The following PHF1 variants were observed in gnomAD, a reference collection of about 807,000 sequenced individuals.
The protein encoded by PHF1 is polycomb-like 1.
A neutral mutation model predicts 69.4 loss-of-function variants in PHF1; 16 were observed. The ratio of observed to expected loss-of-function variants is 0.23; its 90% CI spans 0.16 to 0.35. PHF1 has a LOEUF of 0.35. Among genes scored for constraint, PHF1 ranks in the 10% least tolerant of loss-of-function variants. The pLI is 1.00. For synonymous variants in PHF1, 274 were observed against 275.0 expected (o/e 1.00, Z 0.04); for missense variants, 515 against 732.8 (o/e 0.70, Z 3.43).
In PHF1 at chr6:33,415,109, C is replaced by T. The variant is rs1487275522; in HGVS notation, c.1204C>T (p.Gln402Ter). The change falls in exon 12 of 15, where the codon CAG (glutamine) becomes TAG (stop). Residue 402 changes from glutamine to a stop codon, truncating the protein, a stop_gained. Coordinates refer to ENST00000374516, the MANE Select transcript of PHF1 (RefSeq NM_024165.3). LOFTEE classifies it high-confidence loss of function. ...AVRNQPEPQE[Q>*]RERAHLQRAL... ...GCGCAATCAGCCCGAGCCCCAGGAG[C>T]AGAGGGAGCGGGCTCATCTGCAGAG... 6.2e-7 allele frequency: 1 copy of T among 1,613,406 alleles called. No individual in the cohort carries two copies. Among genetic ancestry groups the T allele is most frequent in the Non-Finnish European group, 8.5e-7 (1 of 1,179,666 alleles).
At position 33,414,214 on chromosome 6, in the gene PHF1, C is replaced by T; in HGVS notation, c.753-29C>T. On this transcript the variant is annotated intron_variant, in intron 8 of 14. Transcript: ENST00000374516. This position sits in a 1 kb window ranked among gnomAD's most constrained non-coding sequence, Gnocchi z 5.0. ...GACTCCCCTGGCTCTTAAAATGCCT[C>T]TGTGGTCTTGAAAACTTTGTTTTTC... 1 of 1,614,078 alleles carries T rather than the reference C, an allele frequency of 6.2e-7. No homozygotes were observed. Among genetic ancestry groups the T allele is most frequent in the Non-Finnish European group, 8.5e-7 (1 of 1,179,984 alleles).
chr6:33,415,542 G>A (rs751587198), intron 13 of PHF1, 48 bp from the exon 14 acceptor site: 3 of 1,583,200 alleles, frequency 1.9e-6, no homozygotes. Context: ...GGGGGAGAAG[G>A]TCCTGTTCCC....
rs1315628547 is a variant in PHF1 at position 33,414,218 on chromosome 6, G to A, written c.753-25G>A. The A allele has an allele frequency of 6.2e-7, 1 of 1,613,812 alleles. No individual in the cohort carries two copies. The highest frequency in any genetic ancestry group is 8.5e-7 in the Non-Finnish European group (1 of 1,179,966). On this transcript the variant is annotated intron_variant, in intron 8 of 14. Transcript: ENST00000374516. This position sits in a 1 kb window ranked among gnomAD's most constrained non-coding sequence, Gnocchi z 5.0. ...CCCCTGGCTCTTAAAATGCCTCTGT[G>A]GTCTTGAAAACTTTGTTTTTCCAGG...
chr6:33,414,156 T>C lies in PHF1; in HGVS notation c.752+47T>C. ...CTCAGTGTAACTCCACACCACAGTA[T>C]TTCACTCTATATGCCCCAACCTCCC... is the stretch of plus-strand genomic sequence containing the variant. On this transcript the variant is annotated intron_variant, in intron 8 of 14. Coordinates refer to ENST00000374516, the MANE Select transcript of PHF1 (RefSeq NM_024165.3). This position sits in a 1 kb window ranked among gnomAD's most constrained non-coding sequence, Gnocchi z 5.0. 6.2e-7 allele frequency: 1 copy of C among 1,613,798 alleles called. No homozygotes were observed. Among genetic ancestry groups the C allele is most frequent in the Non-Finnish European group, 8.5e-7 (1 of 1,179,736 alleles).
chr6:33,413,649 T>TC, intron 6 of PHF1, 87 bp from the exon 7 acceptor site: 1 of 1,599,578 alleles, frequency 6.3e-7, no homozygotes, highest in East Asian at 2.2e-5. Context: ...AGGGTAGCAC[T>TC]CAGGGGGATA....
At chr6:33,413,359 T>G in intron 5 of PHF1, 50 bp from the exon 6 acceptor site, 1 of 1,611,490 alleles carries the variant, frequency 6.2e-7, no homozygotes, top group Non-Finnish European at 8.5e-7. Flanking sequence ...CTCCCAAGCC[T>G]TTTCCTCTCC....
rs1241486679 is a variant in PHF1, at chr6:33,414,147, A to G, written c.752+38A>G. 1 of 1,613,774 alleles carries G rather than the reference A, an allele frequency of 6.2e-7. No homozygotes were observed. The highest frequency in any genetic ancestry group is 8.5e-7 in the Non-Finnish European group (1 of 1,179,784). On this transcript the variant is annotated intron_variant, in intron 8 of 14. Transcript: ENST00000374516. The surrounding 1 kb of genome is among the most constrained non-coding windows in gnomAD (Gnocchi z 5.0). ...GGGCATGACCTCAGTGTAACTCCAC[A>G]CCACAGTATTTCACTCTATATGCCC...
At position 33,415,516 on chromosome 6, in the gene PHF1, A is replaced by C. The variant is rs1329921854; in HGVS notation, c.1335-74A>C. On this transcript the variant is annotated intron_variant, in intron 13 of 14. Transcript: ENST00000374516. ...GGGAGTCCCTTGGGGGTAGTGTTTG[A>C]GCTCTGCACTTCCCAGGGGGAGAAG... 4 of 1,478,964 alleles carry C rather than the reference A, an allele frequency of 2.7e-6. No homozygotes were observed. The East Asian group carries it at 9.1e-5, about 34-fold the overall frequency. 91.6% of individuals were successfully genotyped at this position (1,478,964 alleles called of 1,614,324 possible).
At position 33,412,304 on chromosome 6, in the gene PHF1, C is replaced by G; in HGVS notation, c.41C>G (p.Ser14Ter). 6.2e-7 allele frequency: 1 copy of G among 1,614,194 alleles called. No homozygotes were observed. Residue 14 changes from serine (S) to a stop codon, truncating the protein, a stop_gained, in exon 2 of 15, where the codon TCA becomes TGA. Transcript: ENST00000374516. LOFTEE classifies it high-confidence loss of function. This position sits in a 1 kb window ranked among gnomAD's most constrained non-coding sequence, Gnocchi z 4.2. ...PPRLSRSGAS[S>*]LWDPASPAPT... ...CGGCTGAGCCGCTCTGGTGCCTCCT[C>G]ACTTTGGGACCCAGCTTCTCCTGCT...
intron 5 of PHF1, 34 bp from the exon 6 acceptor site, chr6:33,413,375 C>T: frequency 3.1e-6 from 5 of 1,613,356 alleles, no homozygotes; most frequent in Non-Finnish European, 4.2e-6. Flanking sequence ...TCTCCCCACC[C>T]CTCTGAAGCC....
rs1334512588 is a variant in PHF1, at chr6:33,414,884, A to G, written c.1049+55A>G. On this transcript the variant is annotated intron_variant, in intron 11 of 14. Transcript: ENST00000374516. This position sits in a 1 kb window ranked among gnomAD's most constrained non-coding sequence, Gnocchi z 5.0. ...TCTCAGGGTGTTAGTCCTGGGGGGT[A>G]TATGTATAGAGATGGGGAGGTCTTG... 7.0e-7 allele frequency: 1 copy of G among 1,422,784 alleles called. No individual in the cohort carries two copies. The highest frequency in any genetic ancestry group is 1.5e-5 in the African/African-American group (1 of 65,200). The allele number at this position is 1,422,784 out of a possible 1,614,324, so 88.1% of individuals were successfully genotyped here.
chr6:33,415,952 A>G lies in PHF1; in HGVS notation c.1558A>G (p.Ser520Gly). 1.2e-6 allele frequency: 2 copies of G among 1,613,940 alleles called. No individual in the cohort carries two copies. The highest frequency in any genetic ancestry group is 1.7e-6 in the Non-Finnish European group (2 of 1,179,928). Residue 520 changes from serine (S) to glycine (G), a missense_variant, in exon 15 of 15, where the codon AGT (serine) becomes GGT (glycine). Ser to Gly is a moderately conservative substitution (Grantham distance 56, BLOSUM62 0). Coordinates refer to ENST00000374516, the MANE Select transcript of PHF1 (RefSeq NM_024165.3). ...AGCACCCCCTTCTCCCCTGTGCCGT[A>G]GTTTGTCTCCTGGGACTGGGGGAGG... is the stretch of plus-strand genomic sequence containing the variant. ...RSAPPSPLCR[S>G]LSPGTGGGVR...
chr6:33,412,520 A>AG lies in PHF1; in HGVS notation c.175dup (p.Glu59GlyfsTer8), dbSNP rs34581314. The AG allele has an allele frequency of 6.2e-7, 1 of 1,614,226 alleles. No individual in the cohort carries two copies. The highest frequency in any genetic ancestry group is 8.5e-7 in the Non-Finnish European group (1 of 1,180,026). ...TCACCCATTCCAGGTGGACAGTGCT[A>AG]GGGAGGTGTGTCTGGTCCAGTTTGA... On this transcript the variant is annotated frameshift_variant, in exon 3 of 15. Coordinates refer to ENST00000374516, the MANE Select transcript of PHF1 (RefSeq NM_024165.3). LOFTEE classifies it high-confidence loss of function. The surrounding 1 kb of genome is among the most constrained non-coding windows in gnomAD (Gnocchi z 4.2).
In PHF1 at chr6:33,415,602, G is replaced by C; in HGVS notation, c.1347G>C (p.Arg449=). 6.2e-7 allele frequency: 1 copy of C among 1,613,960 alleles called. No homozygotes were observed. The highest frequency in any genetic ancestry group is 2.2e-5 in the East Asian group (1 of 44,872). Residue 449 remains arginine, a synonymous_variant, in exon 14 of 15, where the codon CGG becomes CGC. Transcript: ENST00000374516. ...ACTCCAACCCCAGCAGCCCCATCCG[G>C]ATGTTTGCTTCCTTCCACCCTTCTG... ...DARCLPSSPI[R]MFASFHPSAS...
rs768184511 is a variant in PHF1, at chr6:33,412,844, G to A, written c.337+51G>A. On this transcript the variant is annotated intron_variant, in intron 4 of 14. Transcript: ENST00000374516. This position sits in a 1 kb window ranked among gnomAD's most constrained non-coding sequence, Gnocchi z 4.2. ...TCCAGCTTGCTCTTCCCTCCAGGAT[G>A]GTCTCTATATCACCTGTCCTGGCCT... The A allele has an allele frequency of 1.4e-6, 2 of 1,454,164 alleles. No individual in the cohort carries two copies. The highest frequency in any genetic ancestry group is 1.9e-6 in the Non-Finnish European group (2 of 1,034,800). 90.1% of individuals were successfully genotyped at this position (1,454,164 alleles called of 1,614,324 possible). A position where few individuals can be genotyped will look rare whatever the true frequency, so the allele number is the denominator to read the frequency against.
intron 4 of PHF1, 61 bp from the exon 5 acceptor site, chr6:33,413,135 T>A: frequency 7.3e-7 from 1 of 1,363,828 alleles, no homozygotes; most frequent in Non-Finnish European, 1.0e-6. Flanking sequence ...TAAAGACTAT[T>A]CCTGTCCCAA....
rs550517254 is a variant in PHF1, at chr6:33,413,489, G to C, written c.519G>C (p.Gly173=). The change falls in exon 6 of 15, where the codon GGG becomes GGC. Residue 173 remains glycine (G), a synonymous_variant. Transcript: ENST00000374516. ...MKLSLPYGLK[G]LDWDAGHLSN... is the part of the protein sequence containing the mutation. The stretch of plus-strand genomic sequence containing the variant: ...TTTCTCTGCCATATGGACTGAAGGG[G>C]CTGGACTGGGATGCTGGACATCTGA... 2.5e-6 allele frequency: 4 copies of C among 1,614,104 alleles called. No individual in the cohort carries two copies. Among genetic ancestry groups the C allele is most frequent in the Non-Finnish European group, 3.4e-6 (4 of 1,180,058 alleles).
At chr6:33,410,620 G>C (rs1024662444), upstream of PHF1, 1 of 150,012 alleles carries the variant, frequency 6.7e-6, no homozygotes, top group African/African-American at 2.5e-5. Context: ...CATCGAGAAG[G>C]GTGAATGGAG....
chr6:33,414,599 G>C lies in PHF1; in HGVS notation c.944+55G>C. 1 of 1,590,196 alleles carries C rather than the reference G, an allele frequency of 6.3e-7. No homozygotes were observed. The highest frequency in any genetic ancestry group is 8.6e-7 in the Non-Finnish European group (1 of 1,158,944). On this transcript the variant is annotated intron_variant, in intron 10 of 14. Transcript: ENST00000374516. This position sits in a 1 kb window ranked among gnomAD's most constrained non-coding sequence, Gnocchi z 5.0. ...GAGGCTCGGAAAGAGATGGAGAGTGGAAGCCTGGAAGGGGAGGGGCTTGCA... is the reference window on the plus strand; with the variant it reads ...GAGGCTCGGAAAGAGATGGAGAGTGCAAGCCTGGAAGGGGAGGGGCTTGCA...
Sources: allele counts gnomAD v4.1 joint callset, GRCh38; gene constraint gnomAD v4.1.1; non-coding constraint Gnocchi (gnomAD v3.1); transcripts MANE v1.5; gene names NCBI Gene and HGNC (gene_info 2026-07-23, HGNC 2026-07-21).